The following PLB1 variants were observed in gnomAD, a reference collection of about 807,000 sequenced individuals.
PLB1 encodes the protein phospholipase B1, membrane-associated.
Under a neutral mutation model 227.4 loss-of-function variants are expected in PLB1, and 242 were observed. The observed-to-expected ratio is 1.06, with a 90% CI of 0.96 to 1.18. PLB1 has a LOEUF of 1.18. PLB1 is among the 50% of genes most tolerant of loss of function. The pLI, the probability that PLB1 is intolerant of heterozygous loss-of-function variation, is 0.00. For synonymous variants in PLB1, 757 were observed against 682.2 expected (o/e 1.11, Z -1.71); for missense variants, 1,858 against 1,816.3 (o/e 1.02, Z -0.42).
intron 21 of PLB1, among the ~76,000 whole-genome samples, chr2:28,574,953 T>C (rs1193850516): frequency 6.6e-6 from 1 of 152,238 alleles, no homozygotes; most frequent in Non-Finnish European, 1.5e-5. Flanking sequence ...TCTTTGCAAT[T>C]GCAAATTGTG....
intron 25 of PLB1, among the ~76,000 whole-genome samples, chr2:28,583,799 G>T (rs941451692): frequency 6.6e-6 from 1 of 151,692 alleles, no homozygotes; most frequent in Non-Finnish European, 1.5e-5. Flanking sequence ...CATTCTCTGT[G>T]TGGTAAAGAT....
chr2:28,597,856 A>G (rs1407002743), intron 33 of PLB1, 149 bp from the exon 34 acceptor site: 1 of 753,558 alleles, frequency 1.3e-6, no homozygotes, highest in Admixed American at 2.2e-5. Context: ...ATTTTCTCAG[A>G]ATTCCTCAAA....
In PLB1 at chr2:28,540,420, G is replaced by C; in HGVS notation, c.753G>C (p.Val251=). The C allele has an allele frequency of 1.2e-6, 2 of 1,614,038 alleles. No homozygotes were observed. Among genetic ancestry groups the C allele is most frequent in the Non-Finnish European group, 1.7e-6 (2 of 1,180,008 alleles). The change falls in exon 12 of 58, where the codon GTG becomes GTC. Residue 251 remains valine, a synonymous_variant. Transcript: ENST00000327757. ...AGGAGACCACCCGGCTGGCCAAGGT[G>C]GTGATGCAGTGGTCTTATCAGGTGA... ...CSEETTRLAK[V]VMQWSYQEAW... is the part of the protein sequence containing the mutation.
Position 28,542,618 on chromosome 2 carries a change from C to T in PLB1, c.880-594C>T, listed in dbSNP as rs542814873. On this transcript the variant is annotated intron_variant, in intron 13 of 57. Coordinates refer to ENST00000327757, the MANE Select transcript of PLB1 (RefSeq NM_153021.5). ...AGGGATGCCAGCTCTTGTCCCTCCCCCTGCACGCTCCTCTCCATCCATCTC... is the reference window on the plus strand; with the variant it reads ...AGGGATGCCAGCTCTTGTCCCTCCCTCTGCACGCTCCTCTCCATCCATCTC... 3.9e-5 allele frequency among the ~76,000 whole-genome samples: 6 copies of T among 152,256 alleles called. No individual in the cohort carries two copies. In the South Asian group the frequency reaches 1.0e-3, roughly 26 times the overall value.
intron 1 of PLB1, among the ~76,000 whole-genome samples, chr2:28,513,367 A>G (rs1016679537): frequency 1.3e-5 from 2 of 152,148 alleles, no homozygotes; most frequent in African/African-American, 4.8e-5. Flanking sequence ...GTTTATCCCT[A>G]CTCCAAAGGT....
At chr2:28,524,519 A>G (rs1026190800) in intron 4 of PLB1, among the ~76,000 whole-genome samples, 1 of 149,928 alleles carries the variant, frequency 6.7e-6, no homozygotes, top group African/African-American at 2.5e-5. Context: ...TATTTGTTAA[A>G]TACTTACAAC....
intron 33 of PLB1, chr2:28,596,052 C>T (rs1179860689): frequency 6.6e-6 from 1 of 152,168 alleles, no homozygotes; most frequent in Non-Finnish European, 1.5e-5. Context: ...ATAAAATTTA[C>T]TTACCAAAAA....
In PLB1 at chr2:28,525,258, C is replaced by G; in HGVS notation, c.244-9C>G. ...CTGGCTGGGTGTTAACATTGAGTATCTATTCCAGCCTCCAGACCCAGGGAC... is the reference window on the plus strand; with the variant it reads ...CTGGCTGGGTGTTAACATTGAGTATGTATTCCAGCCTCCAGACCCAGGGAC... On this transcript the variant is annotated splice_polypyrimidine_tract_variant and intron_variant, in intron 4 of 57. Coordinates refer to ENST00000327757, the MANE Select transcript of PLB1 (RefSeq NM_153021.5). The G allele has an allele frequency of 1.2e-6, 2 of 1,612,996 alleles. No individual in the cohort carries two copies. Among genetic ancestry groups the G allele is most frequent in the Non-Finnish European group, 1.7e-6 (2 of 1,179,754 alleles).
At chr2:28,567,694 G>A (rs759711388) in intron 20 of PLB1, among the ~76,000 whole-genome samples, 4 of 151,952 alleles carry the variant, frequency 2.6e-5, no homozygotes, top group Non-Finnish European at 5.9e-5. Flanking sequence ...GGATGGTCTC[G>A]ATTTCCTGAC....
At chr2:28,515,570 T>C (rs1668748918) in intron 1 of PLB1, among the ~76,000 whole-genome samples, 1 of 152,334 alleles carries the variant, frequency 6.6e-6, no homozygotes, top group South Asian at 2.1e-4. Context: ...GTGCCTGATC[T>C]CACAGTGGGC....
chr2:28,632,611 AC>A (rs1688786883), intron 55 of PLB1, among the ~76,000 whole-genome samples: 1 of 151,834 alleles, frequency 6.6e-6, no homozygotes, highest in South Asian at 2.1e-4. Context: ...ACATGGTGAA[AC>A]CCCGTTTCTA....
chr2:28,564,356 C>G (rs1676523854), intron 18 of PLB1, among the ~76,000 whole-genome samples: 1 of 152,184 alleles, frequency 6.6e-6, no homozygotes, highest in South Asian at 2.1e-4. Flanking sequence ...AGTCCAGGGC[C>G]CTATCCCTAT....
At chr2:28,630,535 C>T in intron 53 of PLB1, 51 bp from the exon 54 acceptor site, 1 of 1,529,108 alleles carries the variant, frequency 6.5e-7, no homozygotes, top group South Asian at 1.2e-5. Flanking sequence ...CCCAGGAGGA[C>T]AGAGCCACAG....
intron 38 of PLB1, 30 bp downstream of exon 38, chr2:28,601,994 C>T: frequency 1.3e-6 from 2 of 1,566,650 alleles, no homozygotes; most frequent in Non-Finnish European, 1.8e-6. Flanking sequence ...AAGCTGGTAA[C>T]AGCTCAAGCA....
intron 21 of PLB1, 23 bp downstream of exon 21, chr2:28,573,328 G>A: frequency 1.3e-6 from 2 of 1,568,982 alleles, no homozygotes; most frequent in Non-Finnish European, 1.8e-6. Flanking sequence ...GACCGGGGCG[G>A]TGAACAGCAC....
chr2:28,599,374 C>G (rs59221928), intron 35 of PLB1, among the ~76,000 whole-genome samples: 7,317 of 152,324 alleles, frequency 0.048, 573 homozygotes, highest in African/African-American at 0.16. Context: ...CCATCTGAGC[C>G]TCTGTCACAT....
chr2:28,589,970 T>A lies in PLB1; in HGVS notation c.2017-35T>A, dbSNP rs765881301. ...CTGAGCTTTCCATTCTGGCCGCCTC[T>A]TCCTCACTCCCCATCTCCCTGCTTC... On this transcript the variant is annotated intron_variant, in intron 28 of 57. Coordinates refer to ENST00000327757, the MANE Select transcript of PLB1 (RefSeq NM_153021.5). 2.5e-6 allele frequency: 4 copies of A among 1,590,648 alleles called. No homozygotes were observed. The African/African-American group carries it at 5.4e-5, about 21-fold the overall frequency.
intron 55 of PLB1, among the ~76,000 whole-genome samples, chr2:28,632,600 A>G (rs1423290568): frequency 6.6e-6 from 1 of 152,066 alleles, no homozygotes; most frequent in African/African-American, 2.4e-5. Context: ...CAGCCTGGCC[A>G]ACATGGTGAA....
intron 21 of PLB1, among the ~76,000 whole-genome samples, chr2:28,576,181 G>T (rs953366590): frequency 6.6e-5 from 10 of 152,160 alleles, no homozygotes; most frequent in Non-Finnish European, 1.3e-4. Flanking sequence ...AAAAGTTGGG[G>T]GTTATTATTC....
Sources: allele counts gnomAD v4.1 joint callset (sites outside exome capture counted in the v4.1 genomes callset), GRCh38; gene constraint gnomAD v4.1.1; transcripts MANE v1.5; gene names NCBI Gene and HGNC (gene_info 2026-07-23, HGNC 2026-07-21).